HMGCLL1: variants seen among roughly 807,000 people sequenced by gnomAD.
The protein encoded by HMGCLL1 is 3-hydroxy-3-methylglutaryl-CoA lyase like 1, also known as 3-hydroxymethyl-3-methylglutaryl-CoA lyase, cytoplasmic.
HMGCLL1 carries 36 observed loss-of-function variants against 39.1 expected under a neutral mutation model. The ratio of observed to expected loss-of-function variants is 0.92; its 90% CI spans 0.71 to 1.22. HMGCLL1 has a LOEUF of 1.22. Ranked by LOEUF, HMGCLL1 falls within the 50% of genes most tolerant of loss-of-function variation. HMGCLL1 has a pLI of 0.00. For synonymous variants in HMGCLL1, 149 were observed against 144.0 expected, an observed-to-expected ratio of 1.03 and a Z score of -0.25; for missense variants, 451 against 416.5, an observed-to-expected ratio of 1.08 and a Z score of -0.72.
chr6:55,504,754 C>T (rs1176190548), intron 5 of HMGCLL1, among the ~76,000 whole-genome samples: 1 of 151,602 alleles, frequency 6.6e-6, no homozygotes, highest in African/African-American at 2.4e-5. Context: ...CTACTGTATT[C>T]AATTGCTATT....
At chr6:55,672,368 A>G in the HMGCLL1 span, among the ~76,000 whole-genome samples, 7 of 151,844 alleles carry the variant, frequency 4.6e-5, no homozygotes, top group African/African-American at 1.7e-4. Context: ...TTTATTTATT[A>G]AGCTCAAATT....
the HMGCLL1 span, among the ~76,000 whole-genome samples, chr6:55,643,871 T>G: frequency 3.7e-4 from 57 of 152,112 alleles, no homozygotes; most frequent in African/African-American, 1.3e-3. Flanking sequence ...AACAGGAGAG[T>G]GCAGACATCT....
the HMGCLL1 span, among the ~76,000 whole-genome samples, chr6:55,649,796 G>A: frequency 6.6e-6 from 1 of 151,158 alleles, no homozygotes; most frequent in Non-Finnish European, 1.5e-5. Context: ...AATCTCCTCT[G>A]ACTATGTATT....
chr6:55,620,755 T>G, the HMGCLL1 span, among the ~76,000 whole-genome samples: 1 of 152,090 alleles, frequency 6.6e-6, no homozygotes, highest in African/African-American at 2.4e-5. Context: ...AGATTTAAAT[T>G]TTTAATCCAT....
the HMGCLL1 span, among the ~76,000 whole-genome samples, chr6:55,628,559 C>G: frequency 1.3e-5 from 2 of 151,938 alleles, no homozygotes; most frequent in Non-Finnish European, 2.9e-5. Context: ...CCACCTCGGC[C>G]TCTTTCAGCC....
chr6:55,464,437 A>G (rs766912587), intron 7 of HMGCLL1, among the ~76,000 whole-genome samples: 9 of 152,286 alleles, frequency 5.9e-5, no homozygotes, highest in Non-Finnish European at 1.0e-4. Context: ...GTGTACATAC[A>G]TGGATAACCA....
At chr6:55,462,118 A>G (rs968098765) in intron 7 of HMGCLL1, among the ~76,000 whole-genome samples, 29 of 152,168 alleles carry the variant, frequency 1.9e-4, no homozygotes, top group Non-Finnish European at 2.5e-4. Context: ...ATTCTGTCAA[A>G]AATTAGGATA....
At chr6:55,574,228 A>G (rs1033463395) in intron 1 of HMGCLL1, among the ~76,000 whole-genome samples, 17 of 152,018 alleles carry the variant, frequency 1.1e-4, no homozygotes, top group Non-Finnish European at 2.5e-4. Flanking sequence ...ATTGAAACAA[A>G]TACTTCTGGT....
chr6:55,636,187 G>A, the HMGCLL1 span, among the ~76,000 whole-genome samples: 1 of 151,944 alleles, frequency 6.6e-6, no homozygotes, highest in African/African-American at 2.4e-5. Context: ...CACCTCAAAA[G>A]GGAATATAAT....
At chr6:55,649,755 A>G in the HMGCLL1 span, among the ~76,000 whole-genome samples, 2 of 151,770 alleles carry the variant, frequency 1.3e-5, no homozygotes, top group African/African-American at 4.8e-5. Context: ...TCTTCTTGGT[A>G]TGCTTCATTT....
At chr6:55,596,356 G>T in the HMGCLL1 span, among the ~76,000 whole-genome samples, 1 of 151,980 alleles carries the variant, frequency 6.6e-6, no homozygotes, top group Non-Finnish European at 1.5e-5. Context: ...AAGTAAATAG[G>T]AATTGAAAAT....
At chr6:55,517,589 T>C (rs577212128) in intron 3 of HMGCLL1, among the ~76,000 whole-genome samples, 22 of 152,102 alleles carry the variant, frequency 1.4e-4, no homozygotes, top group Non-Finnish European at 2.5e-4. Flanking sequence ...TCAGAATGCA[T>C]TATTTTTGAA....
chr6:55,557,408 A>G (rs1364110256), intron 1 of HMGCLL1, among the ~76,000 whole-genome samples: 1 of 151,728 alleles, frequency 6.6e-6, no homozygotes, highest in Non-Finnish European at 1.5e-5. Flanking sequence ...TGCCATCAGC[A>G]ACCCCAGCTC....
chr6:55,463,651 A>C (rs1400262438), intron 7 of HMGCLL1, among the ~76,000 whole-genome samples: 2 of 152,190 alleles, frequency 1.3e-5, no homozygotes, highest in African/African-American at 4.8e-5. Context: ...ACATATTTGA[A>C]ACTAAATGTC....
chr6:55,660,326 C>T, the HMGCLL1 span, among the ~76,000 whole-genome samples: 2 of 151,692 alleles, frequency 1.3e-5, no homozygotes, highest in African/African-American at 4.8e-5. Flanking sequence ...GGGTACTAAG[C>T]CTAGTACCCA....
the HMGCLL1 span, among the ~76,000 whole-genome samples, chr6:55,657,050 GTTTT>G: frequency 6.6e-6 from 1 of 151,572 alleles, no homozygotes; most frequent in Non-Finnish European, 1.5e-5. Flanking sequence ...GGGTTTTGTT[GTTTT>G]TTTTCTATAA....
chr6:55,499,864 G>A (rs1339504323), intron 5 of HMGCLL1, among the ~76,000 whole-genome samples: 1 of 151,824 alleles, frequency 6.6e-6, no homozygotes, highest in Non-Finnish European at 1.5e-5. Context: ...TGTCTAGTGT[G>A]TTTAGAAGGC....
At chr6:55,549,893 C>T (rs1425641536) in intron 1 of HMGCLL1, among the ~76,000 whole-genome samples, 1 of 152,000 alleles carries the variant, frequency 6.6e-6, no homozygotes, top group African/African-American at 2.4e-5. Context: ...CTCAGTCATC[C>T]ACACAGTCAT....
the HMGCLL1 span, among the ~76,000 whole-genome samples, chr6:55,670,524 C>A: frequency 6.6e-6 from 1 of 151,504 alleles, no homozygotes; most frequent in East Asian, 1.9e-4. Context: ...TTAGGATTGT[C>A]AATATATGTA....
Sources: gnomAD v4.1 joint callset for allele counts (sites outside exome capture counted in the v4.1 genomes callset) on GRCh38, gnomAD v4.1.1 for gene constraint, MANE v1.5 for transcripts, NCBI Gene and HGNC (gene_info 2026-07-23, HGNC 2026-07-21) for gene names.